The following LHFPL2 variants were observed in gnomAD, a reference collection of about 807,000 sequenced individuals.
LHFPL2 encodes LHFPL tetraspan subfamily member 2.
LHFPL2 carries 7 observed loss-of-function variants against 17.5 expected under a neutral mutation model. The observed-to-expected ratio is 0.40, with a 90% CI of 0.23 to 0.75. LHFPL2 has a LOEUF of 0.75. LHFPL2 is among the 30% of genes least tolerant of loss of function. The pLI is 0.37. For synonymous variants in LHFPL2, 134 were observed against 116.2 expected (o/e 1.15, Z -0.99); for missense variants, 241 against 294.8 (o/e 0.82, Z 1.34).
At chr5:78,634,270 T>A (rs1218208810) in intron 1 of LHFPL2, among the ~76,000 whole-genome samples, 1 of 152,204 alleles carries the variant, frequency 6.6e-6, no homozygotes, top group Admixed American at 6.5e-5. Context: ...GAGATGATGC[T>A]CCACTCAGTT....
chr5:78,513,754 CTT>C (rs1390708092), intron 3 of LHFPL2, among the ~76,000 whole-genome samples: 1 of 152,200 alleles, frequency 6.6e-6, no homozygotes, highest in African/African-American at 2.4e-5. Context: ...CTCATTCTCT[CTT>C]GTCTGCCACC....
chr5:78,615,628 C>T (rs754169524), intron 2 of LHFPL2, among the ~76,000 whole-genome samples: 2 of 152,160 alleles, frequency 1.3e-5, no homozygotes, highest in Non-Finnish European at 2.9e-5. Flanking sequence ...ATAGAAGCAT[C>T]GTGAGAAGCC....
chr5:78,644,097 G>C (rs1208407221), intron 1 of LHFPL2, among the ~76,000 whole-genome samples: 1 of 152,012 alleles, frequency 6.6e-6, no homozygotes, highest in African/African-American at 2.4e-5. Context: ...CCAGCACAGG[G>C]TATCTAAAGA....
intron 4 of LHFPL2, among the ~76,000 whole-genome samples, chr5:78,509,337 G>A (rs1001344619): frequency 6.6e-6 from 1 of 152,232 alleles, no homozygotes; most frequent in African/African-American, 2.4e-5. Context: ...GATGCGGAAA[G>A]CAGGCTTGCT....
intron 2 of LHFPL2, among the ~76,000 whole-genome samples, chr5:78,610,494 G>C (rs561326715): frequency 2.6e-5 from 4 of 152,324 alleles, no homozygotes; most frequent in African/African-American, 9.6e-5. Flanking sequence ...CCAAGGGCCT[G>C]CTGGGGACCC....
intron 2 of LHFPL2, among the ~76,000 whole-genome samples, chr5:78,585,584 G>A (rs1176722915): frequency 6.6e-6 from 1 of 152,110 alleles, no homozygotes; most frequent in Non-Finnish European, 1.5e-5. Context: ...CGCTCATGCT[G>A]GGAGCTGCAT....
intron 2 of LHFPL2, among the ~76,000 whole-genome samples, chr5:78,618,225 A>G (rs1259498269): frequency 1.3e-5 from 2 of 152,256 alleles, no homozygotes; most frequent in African/African-American, 4.8e-5. Flanking sequence ...AAAATTATTC[A>G]GGAAGACCAA....
At chr5:78,582,243 GATTC>G (rs1289400337) in intron 2 of LHFPL2, among the ~76,000 whole-genome samples, 1 of 152,018 alleles carries the variant, frequency 6.6e-6, no homozygotes, top group African/African-American at 2.4e-5. Context: ...CCAGCTCCTG[GATTC>G]ATTAATTTTT....
intron 1 of LHFPL2, among the ~76,000 whole-genome samples, chr5:78,647,069 A>G (rs1745912337): frequency 6.6e-6 from 1 of 152,264 alleles, no homozygotes; most frequent in Non-Finnish European, 1.5e-5. Flanking sequence ...GAAAAATACT[A>G]TTATAAGATA....
intron 4 of LHFPL2, among the ~76,000 whole-genome samples, chr5:78,490,340 C>T (rs1267571603): frequency 6.6e-6 from 1 of 152,152 alleles, no homozygotes; most frequent in African/African-American, 2.4e-5. Context: ...GGTGCCTCAC[C>T]CTGGCTGCCA....
intron 2 of LHFPL2, among the ~76,000 whole-genome samples, chr5:78,573,155 G>C (rs958005103): frequency 6.6e-6 from 1 of 152,094 alleles, no homozygotes; most frequent in Non-Finnish European, 1.5e-5. Context: ...TTCCTGGAAC[G>C]GGGAGTACAA....
At chr5:78,521,767 A>C (rs547742212) in intron 3 of LHFPL2, among the ~76,000 whole-genome samples, 1 of 152,184 alleles carries the variant, frequency 6.6e-6, no homozygotes, top group East Asian at 1.9e-4. Context: ...GTCCACTTTC[A>C]CTCCTCCTAA....
chr5:78,509,938 G>A lies in LHFPL2; in HGVS notation c.276C>T (p.Ile92=). 1.9e-6 allele frequency: 3 copies of A among 1,613,764 alleles called. No homozygotes were observed. Among genetic ancestry groups the A allele is most frequent in the Non-Finnish European group, 1.7e-6 (2 of 1,180,032 alleles). The change falls in exon 4 of 5, where the codon ATC becomes ATT. Residue 92 remains isoleucine, a synonymous_variant. Transcript: ENST00000380345. ...CTGTGGCCTGCCAGAAGCCGCTGGC[G>A]ATCTCGCCGAAGCTCTCGGCGTAGG... is the stretch of plus-strand genomic sequence containing the variant. ...CGPYAESFGE[I]ASGFWQATAI...
At chr5:78,639,046 C>G (rs1745566576) in intron 1 of LHFPL2, among the ~76,000 whole-genome samples, 1 of 152,196 alleles carries the variant, frequency 6.6e-6, no homozygotes, top group South Asian at 2.1e-4. Context: ...GACCAGAAGT[C>G]TAGTTTCCAG....
intron 2 of LHFPL2, among the ~76,000 whole-genome samples, chr5:78,582,013 T>C (rs1465952368): frequency 6.6e-6 from 1 of 152,242 alleles, no homozygotes; most frequent in Non-Finnish European, 1.5e-5. Flanking sequence ...CATGGTTTAG[T>C]CTTGGGAGAG....
At chr5:78,545,195 A>G (rs16875612) in intron 3 of LHFPL2, among the ~76,000 whole-genome samples, 1,992 of 152,246 alleles carry the variant, frequency 0.013, 41 homozygotes, top group African/African-American at 0.044. Context: ...CAGCTCCAAT[A>G]CGATCTGCAG....
At chr5:78,511,169 G>A (rs1419547454) in intron 3 of LHFPL2, among the ~76,000 whole-genome samples, 1 of 151,752 alleles carries the variant, frequency 6.6e-6, no homozygotes, top group East Asian at 1.9e-4. Flanking sequence ...AGACATTAAT[G>A]ACCGTTAACT....
At chr5:78,563,611 G>A (rs1756786379) in intron 3 of LHFPL2, among the ~76,000 whole-genome samples, 1 of 150,238 alleles carries the variant, frequency 6.7e-6, no homozygotes, top group South Asian at 2.1e-4. Flanking sequence ...TGAGCCAGGA[G>A]AATCGCTTGA....
intron 4 of LHFPL2, among the ~76,000 whole-genome samples, chr5:78,496,524 CAG>C (rs1181162187): frequency 1.3e-5 from 2 of 152,212 alleles, no homozygotes; most frequent in African/African-American, 4.8e-5. Flanking sequence ...CCCTGTGACT[CAG>C]AGGGCTGTGG....
Sources: allele counts gnomAD v4.1 joint callset (sites outside exome capture counted in the v4.1 genomes callset), GRCh38; gene constraint gnomAD v4.1.1; transcripts MANE v1.5; gene names NCBI Gene and HGNC (gene_info 2026-07-23, HGNC 2026-07-21).